Variants in HLTF observed in about 807,000 individuals in gnomAD.
HLTF encodes DNA-dependent ATPase/E3 ubiquitin-protein ligase HLTF.
Under a neutral mutation model 129.4 loss-of-function variants are expected in HLTF, and 127 were observed. The observed-to-expected ratio is 0.98, with a 90% confidence interval of 0.85 to 1.14. HLTF has a LOEUF of 1.14. HLTF is among the 50% of genes most tolerant of loss of function. The probability of loss-of-function intolerance (pLI) is 0.00; values close to 1 mark genes in which losing one functional copy is unlikely to be tolerated. For synonymous variants in HLTF, 332 were observed against 388.8 expected, an observed-to-expected ratio of 0.85 and a Z score of 1.72; for missense variants, 1,139 against 1,187.1, an observed-to-expected ratio of 0.96 and a Z score of 0.60.
At position 149,055,220 on chromosome 3, in the gene HLTF, T is replaced by C. The variant is rs538883051; in HGVS notation, c.1473+83A>G. The C allele has an allele frequency of 7.7e-6, 7 of 906,330 alleles. No individual in the cohort carries two copies. The African/African-American group carries it at 1.0e-4, about 13-fold the overall frequency. The allele number at this position is 906,330 out of a possible 1,614,324, so 56.1% of individuals were successfully genotyped here. A position where few individuals can be genotyped will look rare whatever the true frequency, so the allele number is the denominator to read the frequency against. ...TGATGACCAAGTATATTTACCCCAATGAATGACTCTTTAACAGAATACTTT... is the reference window on the plus strand; with the variant it reads ...TGATGACCAAGTATATTTACCCCAACGAATGACTCTTTAACAGAATACTTT... On this transcript the variant is annotated intron_variant, in intron 14 of 24. Coordinates refer to ENST00000310053, the MANE Select transcript of HLTF (RefSeq NM_003071.4).
At chr3:149,040,348 C>T (rs1457604) in intron 20 of HLTF, 192 bp from the exon 21 acceptor site, 400,087 of 508,744 alleles carry the variant, frequency 0.79, 158,715 homozygotes, top group African/African-American at 0.96. Flanking sequence ...GTAAGTAGAA[C>T]GGATAAAGGA....
intron 14 of HLTF, 75 bp from the exon 15 acceptor site, chr3:149,050,450 T>A (rs1716891697): frequency 1.0e-6 from 1 of 974,642 alleles, no homozygotes; most frequent in African/African-American, 1.7e-5. Context: ...AAAAAGTAAC[T>A]GCCCTGGCAG....
In HLTF at chr3:149,071,547, C is replaced by T. The variant is rs1371628173; in HGVS notation, c.702+36G>A. ...TAGATTCTAAGTATATTTAAACATT[C>T]TGAGTAGTCTTAAATAAAAAATATT... On this transcript the variant is annotated intron_variant, in intron 6 of 24. Transcript: ENST00000310053. 4.0e-6 allele frequency: 6 copies of T among 1,484,278 alleles called. No individual in the cohort carries two copies. The East Asian group carries it at 1.4e-4, about 34-fold the overall frequency. 91.9% of individuals were successfully genotyped at this position (1,484,278 alleles called of 1,614,324 possible).
intron 24 of HLTF, among the ~76,000 whole-genome samples, chr3:149,034,435 T>C (rs1715396119): frequency 6.6e-6 from 1 of 151,926 alleles, no homozygotes; most frequent in Admixed American, 6.6e-5. Flanking sequence ...GGGAGAGGAA[T>C]GGGAAGTTAT....
In HLTF at chr3:149,071,232, C is replaced by T; in HGVS notation, c.894+20G>A. The T allele has an allele frequency of 2.8e-6, 4 of 1,436,598 alleles. No homozygotes were observed. The highest frequency in any genetic ancestry group is 3.8e-6 in the Non-Finnish European group (4 of 1,059,900). The allele number at this position is 1,436,598 out of a possible 1,614,324, so 89.0% of individuals were successfully genotyped here. On this transcript the variant is annotated intron_variant, in intron 7 of 24. Transcript: ENST00000310053. ...TAATCACAAAATTAGATTTTATTAA[C>T]TAAAGAAAAAAATAATTACCAAACC... is the stretch of plus-strand genomic sequence containing the variant.
intron 8 of HLTF, among the ~76,000 whole-genome samples, chr3:149,067,402 C>T (rs879491426): frequency 4.6e-5 from 7 of 152,110 alleles, no homozygotes; most frequent in Non-Finnish European, 1.0e-4. Flanking sequence ...AGTGATTATT[C>T]ATCAAAAATA....
intron 23 of HLTF, among the ~76,000 whole-genome samples, chr3:149,036,342 G>A (rs1337837549): frequency 8.3e-6 from 1 of 120,140 alleles, no homozygotes; most frequent in Non-Finnish European, 1.6e-5. Flanking sequence ...AGGCTGGAGT[G>A]CAGTGGCACG....
intron 2 of HLTF, among the ~76,000 whole-genome samples, chr3:149,081,197 C>A (rs1719832706): frequency 6.7e-6 from 1 of 149,400 alleles, no homozygotes; most frequent in African/African-American, 2.5e-5. Flanking sequence ...AGAAATAAAC[C>A]ACATTATAAA....
At chr3:149,065,792 T>G (rs936821330) in intron 8 of HLTF, among the ~76,000 whole-genome samples, 2 of 152,182 alleles carry the variant, frequency 1.3e-5, no homozygotes. Flanking sequence ...GTTGCGCCAC[T>G]GCACTCCCTC....
intron 21 of HLTF, 75 bp downstream of exon 21, chr3:149,039,956 A>T: frequency 7.7e-7 from 1 of 1,300,648 alleles, no homozygotes. Flanking sequence ...CAGAATTACG[A>T]TTTTGATATA....
chr3:149,059,929 A>C, intron 12 of HLTF, 122 bp from the exon 13 acceptor site: 1 of 635,906 alleles, frequency 1.6e-6, no homozygotes, highest in Middle Eastern at 3.9e-4. Context: ...AGCTTATATT[A>C]TTAAGTTAAA....
At position 149,073,239 on chromosome 3, in the gene HLTF, T is replaced by C; in HGVS notation, c.613A>G (p.Met205Val). The C allele has an allele frequency of 6.2e-7, 1 of 1,603,302 alleles. No individual in the cohort carries two copies. Among genetic ancestry groups the C allele is most frequent in the Non-Finnish European group, 8.5e-7 (1 of 1,174,186 alleles). The change falls in exon 5 of 25, where the codon ATG becomes GTG. Residue 205 changes from methionine to valine, a missense_variant. Physicochemically the swap from Met to Val is conservative, Grantham distance 21. Coordinates refer to ENST00000310053, the MANE Select transcript of HLTF (RefSeq NM_003071.4). Reference sequence around the variant, plus strand: ...GAGAAGCACACCTGTTCAGTTGTCATCTGTACTGCAGCATGCACTGGCATA... The same window carrying C: ...GAGAAGCACACCTGTTCAGTTGTCACCTGTACTGCAGCATGCACTGGCATA... ...YSMPVHAAVQ[M>V]TTEQLKTEFD...
At chr3:149,043,562 A>C (rs1013955771) in intron 18 of HLTF, among the ~76,000 whole-genome samples, 32 of 151,222 alleles carry the variant, frequency 2.1e-4, no homozygotes, top group Non-Finnish European at 2.8e-4. Context: ...AAAAAAAAAA[A>C]AAAAAAACCA....
At chr3:149,086,182 C>A in intron 1 of HLTF, 135 bp downstream of exon 1, 1 of 942,370 alleles carries the variant, frequency 1.1e-6, no homozygotes, top group Non-Finnish European at 1.7e-6. Context: ...CCGGCGGCCA[C>A]ATATGCGACC....
chr3:149,055,000 G>C (rs952819801), intron 14 of HLTF, among the ~76,000 whole-genome samples: 10 of 152,216 alleles, frequency 6.6e-5, no homozygotes, highest in African/African-American at 2.4e-4. Flanking sequence ...TGTAAATGTA[G>C]AGGAGTCAAA....
chr3:149,066,553 C>A (rs115959228), intron 8 of HLTF, among the ~76,000 whole-genome samples: 1 of 149,296 alleles, frequency 6.7e-6, no homozygotes, highest in Non-Finnish European at 1.5e-5. Flanking sequence ...TTTAATAAAT[C>A]CCTGGCTGGA....
chr3:149,039,670 C>G lies in HLTF; in HGVS notation c.2526G>C (p.Leu842Phe). 6.2e-7 allele frequency: 1 copy of G among 1,603,258 alleles called. No homozygotes were observed. Among genetic ancestry groups the G allele is most frequent in the Non-Finnish European group, 8.5e-7 (1 of 1,174,296 alleles). The change falls in exon 22 of 25, where the codon TTG (leucine) becomes TTC (phenylalanine). Residue 842 changes from leucine (L) to phenylalanine (F), a missense_variant. Leu to Phe is a conservative substitution (Grantham distance 22, BLOSUM62 0). Coordinates refer to ENST00000310053, the MANE Select transcript of HLTF (RefSeq NM_003071.4). The part of the protein sequence containing the change: ...SSKINALMHA[L>F]TDLRKKNPNI... ...TGGGATTCTTCTTTCTTAAGTCAGT[C>G]AATGCGTGCATTAGCGCATTAATCT... is the stretch of plus-strand genomic sequence containing the variant.
intron 10 of HLTF, among the ~76,000 whole-genome samples, chr3:149,062,528 G>C (rs1171607021): frequency 2.6e-5 from 4 of 152,196 alleles, no homozygotes; most frequent in Non-Finnish European, 5.9e-5. Flanking sequence ...ACTGATGGTA[G>C]ACAATACAAC....
Position 149,073,225 on chromosome 3 carries a change from C to T in HLTF, c.627G>A (p.Gln209=). Residue 209 remains glutamine (Q), a splice_region_variant and synonymous_variant, in exon 5 of 25, where the codon CAG becomes CAA. Coordinates refer to ENST00000310053, the MANE Select transcript of HLTF (RefSeq NM_003071.4). ...VHAAVQMTTE[Q]LKTEFDKLFE... is the part of the protein sequence containing the mutation. ...ATTACAAAATAAAAGAGAAGCACAC[C>T]TGTTCAGTTGTCATCTGTACTGCAG... 1 of 1,579,884 alleles carries T rather than the reference C, an allele frequency of 6.3e-7. No individual in the cohort carries two copies. The highest frequency in any genetic ancestry group is 2.3e-5 in the East Asian group (1 of 44,122).
Sources: allele counts gnomAD v4.1 joint callset (sites outside exome capture counted in the v4.1 genomes callset), GRCh38; gene constraint gnomAD v4.1.1; transcripts MANE v1.5; gene names NCBI Gene and HGNC (gene_info 2026-07-23, HGNC 2026-07-21).